The following PMEPA1 variants were observed in gnomAD, a reference collection of about 807,000 sequenced individuals.
PMEPA1 encodes the protein prostate transmembrane protein, androgen induced 1.
PMEPA1 carries 11 observed loss-of-function variants against 23.0 expected under a neutral mutation model. The ratio of observed to expected loss-of-function variants is 0.48; its 90% CI spans 0.30 to 0.79. The LOEUF (loss-of-function observed/expected upper bound fraction) is 0.79, where lower values mean the gene tolerates loss of function less well. Ranked by LOEUF, PMEPA1 falls within the 30% of genes least tolerant of loss-of-function variation. The probability of loss-of-function intolerance (pLI) is 0.06; values close to 1 mark genes in which losing one functional copy is unlikely to be tolerated. For synonymous variants in PMEPA1, 204 were observed against 166.4 expected (o/e 1.23, Z -1.74); for missense variants, 377 against 390.9 (o/e 0.96, Z 0.30).
chr20:57,659,260 G>C (rs1011486871), intron 2 of PMEPA1, among the ~76,000 whole-genome samples: 2 of 152,174 alleles, frequency 1.3e-5, no homozygotes, highest in African/African-American at 4.8e-5. Flanking sequence ...CCTGCGACCC[G>C]AGGCTGCTCG....
intron 1 of PMEPA1, among the ~76,000 whole-genome samples, chr20:57,693,460 C>T (rs1385602469): frequency 2.6e-5 from 4 of 152,216 alleles, no homozygotes; most frequent in South Asian, 2.1e-4. Flanking sequence ...AACACCTCCC[C>T]GCCCCGGGAC....
At chr20:57,653,712 G>A (rs1324473733) in intron 2 of PMEPA1, among the ~76,000 whole-genome samples, 2 of 152,272 alleles carry the variant, frequency 1.3e-5, no homozygotes, top group Non-Finnish European at 2.9e-5. Flanking sequence ...AGCTCAGCCC[G>A]AGCCCCAGGT....
At position 57,652,115 on chromosome 20, in the gene PMEPA1, G is replaced by A. The variant is rs1309341106; in HGVS notation, c.802C>T (p.Pro268Ser). 6.3e-7 allele frequency: 1 copy of A among 1,583,720 alleles called. No homozygotes were observed. Residue 268 changes from proline to serine, a missense_variant, in exon 4 of 4, where the codon CCC becomes TCC. Pro to Ser is a moderately conservative substitution (Grantham distance 74). Around this residue, in one of 3 missense-constraint regions of PMEPA1, gnomAD observed 176 missense variants for 173.0 expected, o/e 1.02. Transcript: ENST00000341744. The surrounding 1 kb of genome is among the most constrained non-coding windows in gnomAD (Gnocchi z 6.1). Reference protein sequence around the residue: ...GTRLHHTHIAPLESAAIWSKE... With the variant: ...GTRLHHTHIASLESAAIWSKE... The stretch of plus-strand genomic sequence containing the variant: ...CTCCAGATGGCTGCGCTCTCTAGGG[G>A]CGCGATGTGTGTGTGGTGGAGCCGG...
intron 1 of PMEPA1, among the ~76,000 whole-genome samples, chr20:57,674,874 C>A (rs1038614329): frequency 2.6e-5 from 4 of 152,212 alleles, no homozygotes; most frequent in Non-Finnish European, 5.9e-5. Flanking sequence ...TGGAGCACAG[C>A]AATTTGATCC....
rs1185875147 is a variant in PMEPA1, at chr20:57,652,659, G to A, written c.319-61C>T. The stretch of plus-strand genomic sequence containing the variant: ...TGTCTCAGGTGGGTTGTCCAGAAGC[G>A]ATCCTGAGACTGGAGTTCTGCTGCA... On this transcript the variant is annotated intron_variant, in intron 3 of 3. Coordinates refer to ENST00000341744, the MANE Select transcript of PMEPA1 (RefSeq NM_020182.5). The surrounding 1 kb of genome is among the most constrained non-coding windows in gnomAD (Gnocchi z 6.1). 10 of 1,314,432 alleles carry A rather than the reference G, an allele frequency of 7.6e-6. No individual in the cohort carries two copies. The highest frequency in any genetic ancestry group is 3.0e-5 in the African/African-American group (2 of 67,130). 81.4% of individuals were successfully genotyped at this position (1,314,432 alleles called of 1,614,324 possible).
At chr20:57,698,511 A>G (rs1404531444) in intron 1 of PMEPA1, among the ~76,000 whole-genome samples, 1 of 152,218 alleles carries the variant, frequency 6.6e-6, no homozygotes, top group Non-Finnish European at 1.5e-5. Context: ...TTTTACAGAC[A>G]CCAATTACAA....
intron 1 of PMEPA1, among the ~76,000 whole-genome samples, chr20:57,697,686 G>A (rs2071959255): frequency 6.6e-6 from 1 of 152,222 alleles, no homozygotes; most frequent in Non-Finnish European, 1.5e-5. Flanking sequence ...CCAGAGGAAA[G>A]CACTGCAGGA....
Position 57,709,836 on chromosome 20 carries a change from T to A in PMEPA1, c.-254A>T. ...GCGTCGGCAGTGCCCGCGGGTGGCG[T>A]CCGGAAAATGGGCTGGCAGCGGGGC... On this transcript the variant is annotated 5_prime_UTR_variant, in exon 1 of 4. Transcript: ENST00000341744. 3 of 983,956 alleles carry A rather than the reference T, an allele frequency of 3.0e-6. No homozygotes were observed. The highest frequency in any genetic ancestry group is 2.4e-6 in the Non-Finnish European group (2 of 830,180). The allele number at this position is 983,956 out of a possible 1,614,324, so 61.0% of individuals were successfully genotyped here. A position where few individuals can be genotyped will look rare whatever the true frequency, so the allele number is the denominator to read the frequency against.
intron 1 of PMEPA1, among the ~76,000 whole-genome samples, chr20:57,695,030 C>T (rs2071927797): frequency 6.6e-6 from 1 of 152,254 alleles, no homozygotes; most frequent in Non-Finnish European, 1.5e-5. Context: ...TGAGGCCCTT[C>T]AAACACCCAC....
chr20:57,653,113 G>C, intron 2 of PMEPA1, 27 bp from the exon 3 acceptor site: 1 of 1,556,788 alleles, frequency 6.4e-7, no homozygotes, highest in East Asian at 2.4e-5. Flanking sequence ...GTACAAGCAG[G>C]GTCAGTGGGG....
chr20:57,703,167 G>A (rs963000899), intron 1 of PMEPA1, among the ~76,000 whole-genome samples: 7 of 152,244 alleles, frequency 4.6e-5, no homozygotes, highest in African/African-American at 1.4e-4. Flanking sequence ...AGCCCACCCT[G>A]GGGAGAAGGC....
intron 2 of PMEPA1, among the ~76,000 whole-genome samples, chr20:57,659,269 CGA>C (rs2071372975): frequency 6.6e-6 from 1 of 152,198 alleles, no homozygotes; most frequent in Non-Finnish European, 1.5e-5. Context: ...CGAGGCTGCT[CGA>C]GAGTCAGCTG....
chr20:57,698,721 T>A (rs935459177), intron 1 of PMEPA1, among the ~76,000 whole-genome samples: 1 of 152,198 alleles, frequency 6.6e-6, no homozygotes, highest in Non-Finnish European at 1.5e-5. Flanking sequence ...TTCCCAGACC[T>A]GTGCAAAGCT....
intron 1 of PMEPA1, among the ~76,000 whole-genome samples, chr20:57,692,613 G>A (rs933471609): frequency 2.6e-5 from 4 of 152,212 alleles, no homozygotes; most frequent in African/African-American, 9.6e-5. Context: ...TCAATTCCTC[G>A]AGGGCTGAGG....
At chr20:57,679,036 T>C (rs2071675829) in intron 1 of PMEPA1, among the ~76,000 whole-genome samples, 1 of 151,882 alleles carries the variant, frequency 6.6e-6, no homozygotes, top group South Asian at 2.1e-4. Flanking sequence ...ACAACACGAG[T>C]GTTTTTGAAG....
chr20:57,651,847 CTTTTT>C lies in PMEPA1; in HGVS notation c.*201_*205del, dbSNP rs764733297. On this transcript the variant is annotated 3_prime_UTR_variant, in exon 4 of 4. Coordinates refer to ENST00000341744, the MANE Select transcript of PMEPA1 (RefSeq NM_020182.5). ...ACAAAGAAACGTGGTTTTTTTTTTT[CTTTTT>C]TCTTTTTTTTTTTGCAAGCTCTCTT... 3.1e-3 allele frequency: 822 copies of C among 269,136 alleles called. 5 individuals are homozygous for C. The highest frequency in any genetic ancestry group is 0.02 in the African/African-American group (761 of 37,202). 16.7% of individuals were successfully genotyped at this position (269,136 alleles called of 1,614,324 possible). A position where few individuals can be genotyped will look rare whatever the true frequency, so the allele number is the denominator to read the frequency against.
intron 1 of PMEPA1, among the ~76,000 whole-genome samples, chr20:57,686,772 A>G (rs1203626101): frequency 1.3e-5 from 2 of 152,256 alleles, no homozygotes; most frequent in Non-Finnish European, 2.9e-5. Flanking sequence ...AGGAGATGAC[A>G]GTGCACACCA....
chr20:57,659,291 G>C lies in PMEPA1; in HGVS notation c.264+252C>G, dbSNP rs142527531. 8.2e-3 allele frequency among the ~76,000 whole-genome samples: 1,256 copies of C among 152,312 alleles called. 20 individuals are homozygous for C. Among genetic ancestry groups the C allele is most frequent in the African/African-American group, 0.029 (1,197 of 41,574 alleles). On this transcript the variant is annotated intron_variant, in intron 2 of 3. Transcript: ENST00000341744. ...GCTCGAGAGTCAGCTGAGTGCGTGA[G>C]TGGATCACGAAGCCTCTTCCCAGCC...
At chr20:57,654,546 G>A (rs372062600) in intron 2 of PMEPA1, among the ~76,000 whole-genome samples, 2 of 152,112 alleles carry the variant, frequency 1.3e-5, no homozygotes, top group African/African-American at 2.4e-5. Context: ...CTGATTTAGC[G>A]AATGGCTCTG....
Sources: gnomAD v4.1 joint callset for allele counts (sites outside exome capture counted in the v4.1 genomes callset) on GRCh38, gnomAD v4.1.1 for gene constraint, gnomAD v4.1.1 regional missense constraint, Gnocchi (gnomAD v3.1) non-coding constraint, MANE v1.5 for transcripts, NCBI Gene and HGNC (gene_info 2026-07-23, HGNC 2026-07-21) for gene names.